The following LINGO2 variants were observed in gnomAD, a reference collection of about 807,000 sequenced individuals.
The protein encoded by LINGO2 is leucine-rich repeat and immunoglobulin-like domain-containing nogo receptor-interacting protein 2.
Under a neutral mutation model 30.6 loss-of-function variants are expected in LINGO2, and 14 were observed. The ratio of observed to expected loss-of-function variants is 0.46; its 90% CI spans 0.30 to 0.72. The LOEUF (loss-of-function observed/expected upper bound fraction) is 0.72. Among genes scored for constraint, LINGO2 ranks in the 30% least tolerant of loss-of-function variants. The pLI is 0.07. For synonymous variants in LINGO2, 317 were observed against 288.5 expected, an observed-to-expected ratio of 1.10 and a Z score of -1.00; for missense variants, 729 against 751.7, an observed-to-expected ratio of 0.97 and a Z score of 0.35.
the LINGO2 span, among the ~76,000 whole-genome samples, chr9:28,729,646 A>C: frequency 6.6e-6 from 1 of 152,070 alleles, no homozygotes; most frequent in Non-Finnish European, 1.5e-5. Flanking sequence ...TCAAAGATAA[A>C]GCTGAAGAAA....
the LINGO2 span, among the ~76,000 whole-genome samples, chr9:28,852,011 C>T: frequency 6.6e-6 from 1 of 151,812 alleles, no homozygotes; most frequent in African/African-American, 2.4e-5. Context: ...ATTAAGATCC[C>T]TGTCCCCTAA....
intron 4 of LINGO2, among the ~76,000 whole-genome samples, chr9:28,191,256 C>A (rs928103550): frequency 1.3e-5 from 2 of 152,162 alleles, no homozygotes; most frequent in Non-Finnish European, 2.9e-5. Context: ...GTGAAGACTT[C>A]TACTATTTTC....
rs543663046 is a variant in LINGO2 at position 28,242,348 on chromosome 9, T to C, written c.-87+52860A>G. On this transcript the variant is annotated intron_variant, in intron 4 of 5. Transcript: ENST00000379992. ...CCATACACAAGTATAAATAGCAGAATTGATCAAGTGGAAGAAAGAGTATCA... is the reference window on the plus strand; with the variant it reads ...CCATACACAAGTATAAATAGCAGAACTGATCAAGTGGAAGAAAGAGTATCA... Among the ~76,000 whole-genome samples the C allele has an allele frequency of 2.8e-4, 42 of 152,014 alleles. 1 individual carries two copies. The highest frequency in any genetic ancestry group is 2.0e-3 in the Admixed American group (30 of 15,242).
the LINGO2 span, among the ~76,000 whole-genome samples, chr9:29,024,837 T>G: frequency 6.6e-6 from 1 of 152,168 alleles, no homozygotes; most frequent in African/African-American, 2.4e-5. Context: ...ACAAAATGTG[T>G]GTTTCAATCT....
At chr9:28,688,087 G>A in the LINGO2 span, among the ~76,000 whole-genome samples, 9 of 152,076 alleles carry the variant, frequency 5.9e-5, no homozygotes, top group African/African-American at 7.2e-5. Context: ...ACTTGTATGC[G>A]CACTCCCCTA....
At chr9:28,910,942 T>C in the LINGO2 span, among the ~76,000 whole-genome samples, 2 of 152,094 alleles carry the variant, frequency 1.3e-5, no homozygotes, top group Non-Finnish European at 2.9e-5. Context: ...TAGTTCAGAT[T>C]ATATGAATAT....
chr9:28,744,246 T>G, the LINGO2 span, among the ~76,000 whole-genome samples: 1 of 152,012 alleles, frequency 6.6e-6, no homozygotes, highest in Non-Finnish European at 1.5e-5. Context: ...CATAGTAACT[T>G]CCTTAATTGT....
Position 28,167,027 on chromosome 9 carries a change from A to C in LINGO2, c.-87+128181T>G, listed in dbSNP as rs1452344. Among the ~76,000 whole-genome samples, 26 of 152,134 alleles carry C rather than the reference A, an allele frequency of 1.7e-4. No homozygotes were observed. In the East Asian group the frequency reaches 2.3e-3, roughly 14 times the overall value. On this transcript the variant is annotated intron_variant, in intron 4 of 5. Coordinates refer to ENST00000379992, the Ensembl canonical transcript of LINGO2. Reference sequence around the variant, plus strand: ...AATTTTTAAGCATACTAGTTCCTAGATGGCATTTTTCCAGCCTGTAGAATC... The same window carrying C: ...AATTTTTAAGCATACTAGTTCCTAGCTGGCATTTTTCCAGCCTGTAGAATC...
intron 5 of LINGO2, among the ~76,000 whole-genome samples, chr9:27,976,258 CA>C (rs1820588810): frequency 6.6e-6 from 1 of 152,042 alleles, no homozygotes; most frequent in Non-Finnish European, 1.5e-5. Context: ...CAGCAATTAA[CA>C]AGCTATTAGT....
At chr9:28,337,058 T>A (rs938681620) in intron 3 of LINGO2, among the ~76,000 whole-genome samples, 1 of 149,052 alleles carries the variant, frequency 6.7e-6, no homozygotes, top group South Asian at 2.1e-4. Flanking sequence ...TGAACATATA[T>A]ACTTTCATAT....
chr9:28,223,801 T>C (rs1821048820), intron 4 of LINGO2, among the ~76,000 whole-genome samples: 1 of 151,892 alleles, frequency 6.6e-6, no homozygotes, highest in Non-Finnish European at 1.5e-5. Flanking sequence ...AAAAGACAAA[T>C]ATGGCCATGC....
chr9:28,624,943 A>G (rs1010319608), intron 1 of LINGO2, among the ~76,000 whole-genome samples: 1 of 151,616 alleles, frequency 6.6e-6, no homozygotes, highest in Non-Finnish European at 1.5e-5. Flanking sequence ...GCCTGGGGTT[A>G]AGGGAGAGGT....
chr9:28,057,578 CATATATGTATAT>C (rs1563949683), intron 4 of LINGO2, among the ~76,000 whole-genome samples: 6 of 21,460 alleles, frequency 2.8e-4, no homozygotes, highest in African/African-American at 5.1e-4. Context: ...TATATATACA[CATATATGTATAT>C]ACATATATAT....
At chr9:28,554,452 T>A (rs1822524525) in intron 1 of LINGO2, among the ~76,000 whole-genome samples, 1 of 144,258 alleles carries the variant, frequency 6.9e-6, no homozygotes, top group East Asian at 2.0e-4. Flanking sequence ...GAGCTAACTA[T>A]CCTAAATATA....
At chr9:28,939,518 T>C in the LINGO2 span, among the ~76,000 whole-genome samples, 1 of 152,184 alleles carries the variant, frequency 6.6e-6, no homozygotes, top group Non-Finnish European at 1.5e-5. Flanking sequence ...CTAAAAATAC[T>C]TATTCTTCTA....
the LINGO2 span, among the ~76,000 whole-genome samples, chr9:28,734,964 G>T: frequency 1.3e-5 from 2 of 152,076 alleles, no homozygotes; most frequent in Non-Finnish European, 2.9e-5. Flanking sequence ...GTTGTTTTAT[G>T]TTTCTGAGTA....
chr9:27,961,326 T>C (rs1041922409), intron 5 of LINGO2, among the ~76,000 whole-genome samples: 1 of 152,200 alleles, frequency 6.6e-6, no homozygotes, highest in African/African-American at 2.4e-5. Context: ...TCAACTTTAA[T>C]ATCGAATTGC....
At chr9:28,765,300 G>C in the LINGO2 span, among the ~76,000 whole-genome samples, 1 of 152,010 alleles carries the variant, frequency 6.6e-6, no homozygotes, top group Non-Finnish European at 1.5e-5. Context: ...TATTAAAACA[G>C]ACAGATAGTC....
chr9:29,160,688 G>GATAT, the LINGO2 span, among the ~76,000 whole-genome samples: 1 of 152,174 alleles, frequency 6.6e-6, no homozygotes, highest in Non-Finnish European at 1.5e-5. Context: ...CTAAGGGACA[G>GATAT]ATATATATTT....
Sources: allele counts gnomAD v4.1 joint callset (sites outside exome capture counted in the v4.1 genomes callset), GRCh38; gene constraint gnomAD v4.1.1; transcripts MANE v1.5; gene names NCBI Gene and HGNC (gene_info 2026-07-23, HGNC 2026-07-21).